Variants in LIMCH1 observed in about 807,000 individuals in gnomAD.
LIMCH1 encodes the protein LIM and calponin homology domains 1, also known as LIM and calponin homology domains-containing protein 1.
LIMCH1 carries 113 observed loss-of-function variants against 176.5 expected under a neutral mutation model. The observed-to-expected ratio is 0.64, with a 90% CI of 0.55 to 0.75. The LOEUF is 0.75. LIMCH1 is among the 30% of genes least tolerant of loss of function. The pLI is 0.00. For missense variants in LIMCH1, 1,674 were observed against 1,814.9 expected (o/e 0.92, Z 1.41); for synonymous variants, 619 against 645.9 (o/e 0.96, Z 0.63).
intron 1 of LIMCH1, among the ~76,000 whole-genome samples, chr4:41,411,699 G>A (rs9991084): frequency 0.24 from 36,702 of 150,806 alleles, 5,341 homozygotes; most frequent in African/African-American, 0.39. Flanking sequence ...GGTGGCTCAC[G>A]CCTGTAATAC....
chr4:41,571,608 C>A (rs1212570092), intron 1 of LIMCH1, among the ~76,000 whole-genome samples: 1 of 152,154 alleles, frequency 6.6e-6, no homozygotes, highest in African/African-American at 2.4e-5. Flanking sequence ...AGGGAGCCAA[C>A]ATGTTCCACT....
At chr4:41,470,730 C>G (rs139646447) in intron 1 of LIMCH1, among the ~76,000 whole-genome samples, 135 of 152,220 alleles carry the variant, frequency 8.9e-4, no homozygotes, top group African/African-American at 3.2e-3. Context: ...TTTTCTCCAT[C>G]TTTTCTGACT....
rs140569054 is a variant in LIMCH1, at chr4:41,612,936, G to A, written c.10-530G>A. On this transcript the variant is annotated intron_variant, in intron 4 of 31. Transcript: ENST00000503057. The stretch of plus-strand genomic sequence containing the variant: ...ATTTCCCTTCAAGGTAGCAGGAGAT[G>A]AACGCGTGCTGCTCCAGGATTTTAC... 586 of 1,486,480 alleles carry A rather than the reference G, an allele frequency of 3.9e-4. 2 individuals are homozygous for A. The African/African-American group carries it at 7.4e-3, about 19-fold the overall frequency. The allele number at this position is 1,486,480 out of a possible 1,614,324, so 92.1% of individuals were successfully genotyped here.
chr4:41,481,810 A>G (rs1037960663), intron 1 of LIMCH1, among the ~76,000 whole-genome samples: 1 of 151,432 alleles, frequency 6.6e-6, no homozygotes, highest in African/African-American at 2.4e-5. Context: ...TAGGGAACAG[A>G]TGTTAAGACT....
At chr4:41,392,829 G>A (rs1264908850) in intron 1 of LIMCH1, among the ~76,000 whole-genome samples, 2 of 152,060 alleles carry the variant, frequency 1.3e-5, no homozygotes, top group African/African-American at 4.8e-5. Flanking sequence ...TCAGGAATTC[G>A]AGACCAGCCT....
intron 1 of LIMCH1, among the ~76,000 whole-genome samples, chr4:41,441,885 A>T (rs947675674): frequency 2.0e-5 from 3 of 151,146 alleles, no homozygotes; most frequent in South Asian, 2.2e-4. Context: ...TTTGTTTTTG[A>T]TGTGGGATAT....
intron 1 of LIMCH1, among the ~76,000 whole-genome samples, chr4:41,546,979 T>A (rs1209362092): frequency 6.6e-6 from 1 of 152,196 alleles, no homozygotes; most frequent in African/African-American, 2.4e-5. Context: ...TTTCTTTGCA[T>A]CTTCTTCTTC....
chr4:41,631,022 G>A, intron 9 of LIMCH1, 126 bp from the exon 10 acceptor site: 1 of 800,646 alleles, frequency 1.2e-6, no homozygotes, highest in Non-Finnish European at 1.9e-6. Flanking sequence ...AATCCCGTCA[G>A]TGGGATGCCG....
At chr4:41,515,916 C>T (rs182002314) in intron 2 of LIMCH1, among the ~76,000 whole-genome samples, 3 of 152,316 alleles carry the variant, frequency 2.0e-5, no homozygotes, top group Non-Finnish European at 2.9e-5. Context: ...TTTCTCTCCA[C>T]GCTCTTGATA....
chr4:41,606,881 G>A (rs1013973214), intron 4 of LIMCH1, among the ~76,000 whole-genome samples: 4 of 152,068 alleles, frequency 2.6e-5, no homozygotes, highest in Non-Finnish European at 5.9e-5. Context: ...TGACTGCAAC[G>A]TCCGCCTCCC....
chr4:41,575,126 T>C (rs2084246321), intron 1 of LIMCH1, among the ~76,000 whole-genome samples: 3 of 152,244 alleles, frequency 2.0e-5, no homozygotes, highest in African/African-American at 7.2e-5. Context: ...AAATATCTAT[T>C]GGTAGAAGAC....
At position 41,491,910 on chromosome 4, in the gene LIMCH1, C is replaced by T. The variant is rs188830491; in HGVS notation, c.97-2626C>T. Among the ~76,000 whole-genome samples the T allele has an allele frequency of 6.2e-3, 941 of 151,724 alleles. 9 individuals are homozygous for T. The highest frequency in any genetic ancestry group is 0.021 in the African/African-American group (882 of 41,314). On this transcript the variant is annotated intron_variant, in intron 1 of 26. Transcript: ENST00000313860. ...GGCAGCCGGGCAGAGGCACTCCTCACGTCCCAGACGGGGCGGCCGGGCAGA... is the reference window on the plus strand; with the variant it reads ...GGCAGCCGGGCAGAGGCACTCCTCATGTCCCAGACGGGGCGGCCGGGCAGA...
rs993061586 is a variant in LIMCH1 at position 41,578,828 on chromosome 4, A to G, written c.-240-20092A>G. ...TTGAACTATTGGGCTCAAGTGACCC[A>G]GTAGCTAGGATTACAGGCATGCAAA... is the stretch of plus-strand genomic sequence containing the variant. On this transcript the variant is annotated intron_variant, in intron 1 of 31. Coordinates refer to ENST00000503057, the MANE Select transcript of LIMCH1 (RefSeq NM_001330672.2). Among the ~76,000 whole-genome samples the G allele has an allele frequency of 2.0e-5, 3 of 151,908 alleles. 1 individual carries two copies. Among genetic ancestry groups the G allele is most frequent in the Admixed American group, 2.0e-4 (3 of 15,222 alleles).
At chr4:41,637,132 G>A (rs2093626674) in intron 13 of LIMCH1, among the ~76,000 whole-genome samples, 1 of 152,056 alleles carries the variant, frequency 6.6e-6, no homozygotes, top group Admixed American at 6.6e-5. Context: ...TTATTAACTG[G>A]GAAACACTTA....
In LIMCH1 at chr4:41,661,426, A is replaced by G. The variant is rs751880453; in HGVS notation, c.3043A>G (p.Thr1015Ala). 2.5e-6 allele frequency: 4 copies of G among 1,608,786 alleles called. No homozygotes were observed. The Admixed American group carries it at 6.8e-5, about 27-fold the overall frequency. ...AAAAAAATCTCTTTTTCAGGCAACC[A>G]CTGAGAAAACGGAACCGAATAGTCA... ...NSVPQELAAT[T>A]EKTEPNSQED... Residue 1015 changes from threonine to alanine, a missense_variant, in exon 19 of 32, where the codon ACT (threonine) becomes GCT (alanine). Thr to Ala is a moderately conservative substitution (Grantham distance 58). Transcript: ENST00000503057.
intron 29 of LIMCH1, among the ~76,000 whole-genome samples, 172 bp from the exon 30 acceptor site, chr4:41,689,355 A>G (rs144560268): frequency 6.6e-6 from 1 of 152,300 alleles, no homozygotes; most frequent in Admixed American, 6.5e-5. Context: ...TTTGCCATTT[A>G]TATCTAATGT....
chr4:41,521,307 T>A (rs2076097546), intron 2 of LIMCH1, among the ~76,000 whole-genome samples: 1 of 152,186 alleles, frequency 6.6e-6, no homozygotes, highest in Non-Finnish European at 1.5e-5. Context: ...TGTTTGGGGT[T>A]CATTTTTTCT....
At position 41,697,968 on chromosome 4, in the gene LIMCH1, A is replaced by C. The variant is rs1731662600; in HGVS notation, c.*783A>C. 1 of 151,250 alleles carries C rather than the reference A, an allele frequency of 6.6e-6. No homozygotes were observed. The highest frequency in any genetic ancestry group is 2.4e-5 in the African/African-American group (1 of 41,376). 9.4% of individuals were successfully genotyped at this position (151,250 alleles called of 1,614,324 possible). A position where few individuals can be genotyped will look rare whatever the true frequency, so the allele number is the denominator to read the frequency against. ...TATTTCAGTCATCATTTCCAAAGTCATTATCAAAATCTGTGAGGAAGTTTA... is the reference window on the plus strand; with the variant it reads ...TATTTCAGTCATCATTTCCAAAGTCCTTATCAAAATCTGTGAGGAAGTTTA... On this transcript the variant is annotated 3_prime_UTR_variant, in exon 32 of 32. Coordinates refer to ENST00000503057, the MANE Select transcript of LIMCH1 (RefSeq NM_001330672.2).
In LIMCH1 at chr4:41,626,852, C is replaced by G; in HGVS notation, c.870C>G (p.Asp290Glu). The G allele has an allele frequency of 6.5e-7, 1 of 1,536,144 alleles. No homozygotes were observed. The highest frequency in any genetic ancestry group is 1.4e-5 in the African/African-American group (1 of 73,128). ...GACTGCCTGATCTTGAGAAGGATGACTTTGCTGCAAGGAGAGCAAGGATGA... is the reference window on the plus strand; with the variant it reads ...GACTGCCTGATCTTGAGAAGGATGAGTTTGCTGCAAGGAGAGCAAGGATGA... Reference protein sequence around the residue: ...VCRLPDLEKDDFAARRARMNQ... With the variant: ...VCRLPDLEKDEFAARRARMNQ... The change falls in exon 8 of 32, where the codon GAC (aspartate) becomes GAG (glutamate). Residue 290 changes from aspartate to glutamate, a missense_variant. This residue lies in a region of LIMCH1 where 655 missense variants were observed against 692.2 expected (regional missense o/e 0.95). Coordinates refer to ENST00000503057, the MANE Select transcript of LIMCH1 (RefSeq NM_001330672.2).
Sources: allele counts gnomAD v4.1 joint callset (sites outside exome capture counted in the v4.1 genomes callset), GRCh38; gene constraint gnomAD v4.1.1; regional missense constraint gnomAD v4.1.1; transcripts MANE v1.5; gene names NCBI Gene and HGNC (gene_info 2026-07-23, HGNC 2026-07-21).